The following ARHGAP10 variants were observed in gnomAD, a reference collection of about 807,000 sequenced individuals.
ARHGAP10 encodes rho GTPase-activating protein 10.
A neutral mutation model predicts 108.6 loss-of-function variants in ARHGAP10; 87 were observed. The observed-to-expected ratio is 0.80, with a 90% confidence interval of 0.67 to 0.96. The LOEUF is 0.96. Among genes scored for constraint, ARHGAP10 ranks in the 40% least tolerant of loss-of-function variants. The probability of loss-of-function intolerance (pLI) is 0.00; values close to 1 mark genes in which losing one functional copy is unlikely to be tolerated. For synonymous variants in ARHGAP10, 347 were observed against 341.1 expected (o/e 1.02, Z -0.19); for missense variants, 939 against 954.5 (o/e 0.98, Z 0.21).
At chr4:147,922,680 T>C (rs1578693360) in intron 13 of ARHGAP10, among the ~76,000 whole-genome samples, 1 of 87,106 alleles carries the variant, frequency 1.1e-5, no homozygotes, top group African/African-American at 4.1e-5. Flanking sequence ...AGAGCGAGAC[T>C]CCGTCTCAAA....
chr4:147,837,650 T>TTTTTTGTTTTTTTTTTTG lies in ARHGAP10; in HGVS notation c.313-9496_313-9495insGTTTTTTTTTTTGTTTTT, dbSNP rs1553955211. On this transcript the variant is annotated intron_variant, in intron 3 of 22. Transcript: ENST00000336498. ...CTAGAATCTCTGGTCACTGTTTTTT[T>TTTTTTGTTTTTTTTTTTG]TTTTTTTTTTTTAAAGCAGTAGCTT... 1.5e-4 allele frequency among the ~76,000 whole-genome samples: 17 copies of TTTTTTGTTTTTTTTTTTG among 112,084 alleles called. 2 individuals are homozygous for TTTTTTGTTTTTTTTTTTG. The South Asian group carries it at 2.5e-3, about 17-fold the overall frequency. 73.5% of individuals were successfully genotyped at this position (112,084 alleles called of 152,430 possible). A position where few individuals can be genotyped will look rare whatever the true frequency, so the allele number is the denominator to read the frequency against.
chr4:147,985,549 G>T (rs1210209744), intron 18 of ARHGAP10, among the ~76,000 whole-genome samples: 1 of 152,214 alleles, frequency 6.6e-6, no homozygotes, highest in African/African-American at 2.4e-5. Flanking sequence ...AGTACCTACT[G>T]TTGGGTTACT....
chr4:147,874,865 A>AGGCAC (rs1734995430), intron 7 of ARHGAP10, among the ~76,000 whole-genome samples, 156 bp from the exon 8 acceptor site: 1 of 152,176 alleles, frequency 6.6e-6, no homozygotes, highest in South Asian at 2.1e-4. Context: ...GAATCTCAGG[A>AGGCAC]GGCACACTGG....
At chr4:148,022,251 T>C (rs1328300392) in intron 18 of ARHGAP10, among the ~76,000 whole-genome samples, 1 of 152,224 alleles carries the variant, frequency 6.6e-6, no homozygotes, top group East Asian at 1.9e-4. Context: ...GGTGGTTTGC[T>C]GCATCCATCA....
In ARHGAP10 at chr4:148,011,108, A is replaced by G. The variant is rs556341284; in HGVS notation, c.1717-12155A>G. On this transcript the variant is annotated intron_variant, in intron 18 of 22. Coordinates refer to ENST00000336498, the MANE Select transcript of ARHGAP10 (RefSeq NM_024605.4). ...TTTGGGAGGTACATAGATGATGCTG[A>G]TTGTTCTAAGTGCATCACAACAAGA... Among the ~76,000 whole-genome samples, 4 of 152,318 alleles carry G rather than the reference A, an allele frequency of 2.6e-5. No individual in the cohort carries two copies. In the South Asian group the frequency reaches 8.3e-4, roughly 32 times the overall value.
At chr4:147,750,673 C>T (rs1383050668) in intron 1 of ARHGAP10, among the ~76,000 whole-genome samples, 1 of 151,374 alleles carries the variant, frequency 6.6e-6, no homozygotes. Flanking sequence ...GTGATCTCAG[C>T]TCACTGCAAC....
intron 19 of ARHGAP10, among the ~76,000 whole-genome samples, chr4:148,030,355 GT>G (rs1376401078): frequency 6.6e-6 from 1 of 152,206 alleles, no homozygotes; most frequent in Non-Finnish European, 1.5e-5. Flanking sequence ...GGCGTAGGAG[GT>G]AGCTGGGCTG....
intron 1 of ARHGAP10, among the ~76,000 whole-genome samples, chr4:147,738,948 C>T (rs1005013898): frequency 4.0e-5 from 6 of 151,712 alleles, no homozygotes; most frequent in Non-Finnish European, 8.8e-5. Context: ...TTTGGGAGGC[C>T]GAGGCGGGTG....
At chr4:147,761,040 A>G (rs1729568718) in intron 1 of ARHGAP10, among the ~76,000 whole-genome samples, 1 of 149,338 alleles carries the variant, frequency 6.7e-6, no homozygotes, top group Non-Finnish European at 1.5e-5. Context: ...TTTTTGACAC[A>G]GAGTCTTGCT....
intron 7 of ARHGAP10, 65 bp downstream of exon 7, chr4:147,866,881 A>G: frequency 2.2e-6 from 3 of 1,351,690 alleles, no homozygotes; most frequent in Non-Finnish European, 3.1e-6. Context: ...TGTGTGTTGT[A>G]TGAAAAGCCT....
At chr4:148,012,794 G>A (rs1741215180) in intron 18 of ARHGAP10, among the ~76,000 whole-genome samples, 1 of 152,032 alleles carries the variant, frequency 6.6e-6, no homozygotes. Context: ...ATATATAGTT[G>A]TATTAAATAT....
chr4:147,880,827 C>T lies in ARHGAP10; in HGVS notation c.940-1011C>T, dbSNP rs528583229. 7.5e-4 allele frequency among the ~76,000 whole-genome samples: 114 copies of T among 151,954 alleles called. 1 individual carries two copies. In the South Asian group the frequency reaches 0.015, roughly 20 times the overall value. On this transcript the variant is annotated intron_variant, in intron 9 of 22. Coordinates refer to ENST00000336498, the MANE Select transcript of ARHGAP10 (RefSeq NM_024605.4). The stretch of plus-strand genomic sequence containing the variant: ...GGTTATCGGTGTACTTTTAGGCTGA[C>T]GTGTATGGAATTGCAATTTTTATAG...
At chr4:148,044,021 C>G (rs1269670868) in intron 19 of ARHGAP10, among the ~76,000 whole-genome samples, 2 of 152,012 alleles carry the variant, frequency 1.3e-5, no homozygotes, top group Non-Finnish European at 2.9e-5. Context: ...GAACTCTATA[C>G]ACTTGGAAAG....
At chr4:147,831,982 C>T (rs1732967637) in intron 3 of ARHGAP10, among the ~76,000 whole-genome samples, 1 of 152,120 alleles carries the variant, frequency 6.6e-6, no homozygotes, top group Admixed American at 6.6e-5. Flanking sequence ...ATTCTACTTC[C>T]CTGTTGAAAC....
chr4:147,835,698 T>G (rs1733144301), intron 3 of ARHGAP10, among the ~76,000 whole-genome samples: 1 of 152,216 alleles, frequency 6.6e-6, no homozygotes. Context: ...GATTTAACAG[T>G]TTATTGCCTT....
At chr4:147,807,039 A>G (rs1731816525) in intron 1 of ARHGAP10, among the ~76,000 whole-genome samples, 1 of 152,230 alleles carries the variant, frequency 6.6e-6, no homozygotes, top group Non-Finnish European at 1.5e-5. Flanking sequence ...GCCCAGTGCC[A>G]TTTAGTGTGG....
intron 1 of ARHGAP10, among the ~76,000 whole-genome samples, chr4:147,767,350 T>C (rs1249359184): frequency 1.4e-5 from 2 of 141,602 alleles, no homozygotes; most frequent in Non-Finnish European, 3.1e-5. Context: ...TTAATATGTG[T>C]GGGCTGCAGA....
intron 19 of ARHGAP10, among the ~76,000 whole-genome samples, chr4:148,036,205 AT>A (rs992514711): frequency 3.0e-4 from 46 of 152,170 alleles, no homozygotes; most frequent in African/African-American, 1.1e-3. Flanking sequence ...GGGCTGAAAA[AT>A]ATCTCAATTT....
chr4:147,848,093 T>TG (rs1214993390), intron 4 of ARHGAP10, among the ~76,000 whole-genome samples: 1 of 150,236 alleles, frequency 6.7e-6, no homozygotes, highest in African/African-American at 2.4e-5. Flanking sequence ...GGATGTGAGT[T>TG]TTTTTTTTTT....
Sources: allele counts gnomAD v4.1 joint callset (sites outside exome capture counted in the v4.1 genomes callset), GRCh38; gene constraint gnomAD v4.1.1; transcripts MANE v1.5; gene names NCBI Gene and HGNC (gene_info 2026-07-23, HGNC 2026-07-21).